The following TMPRSS2 variants were observed in gnomAD, a reference collection of about 807,000 sequenced individuals.
TMPRSS2 encodes the protein transmembrane serine protease 2.
A neutral mutation model predicts 67.4 loss-of-function variants in TMPRSS2; 59 were observed. That is an observed-to-expected ratio of 0.88 (90% CI 0.71 to 1.09). The LOEUF is 1.09. Among genes scored for constraint, TMPRSS2 ranks in the 50% least tolerant of loss-of-function variants. The probability of loss-of-function intolerance (pLI) is 0.00; values close to 1 mark genes in which losing one functional copy is unlikely to be tolerated. For synonymous variants in TMPRSS2, 257 were observed against 257.0 expected (o/e 1.00, Z 0.00); for missense variants, 668 against 642.7 (o/e 1.04, Z -0.43).
In TMPRSS2 at chr21:41,479,212, T is replaced by A; in HGVS notation, c.643A>T (p.Ser215Cys). Reference protein sequence around the residue: ...GSTSFMKLNTSAGNVDIYKKL... With the variant: ...GSTSFMKLNTCAGNVDIYKKL... ...TTATAGATATCGACATTGCCGGCAC[T>A]TGTGTTCAGTTTCATAAAGCTGGTG... Residue 215 changes from serine to cysteine, a missense_variant, in exon 7 of 14, where the codon AGT (serine) becomes TGT (cysteine). Ser to Cys is a moderately radical substitution (Grantham distance 112). Coordinates refer to ENST00000332149, the MANE Select transcript of TMPRSS2 (RefSeq NM_005656.4). The A allele has an allele frequency of 6.2e-7, 1 of 1,614,082 alleles. No individual in the cohort carries two copies.
chr21:41,477,203 G>C (rs1440748153), intron 7 of TMPRSS2, among the ~76,000 whole-genome samples: 3 of 152,116 alleles, frequency 2.0e-5, no homozygotes, highest in African/African-American at 7.2e-5. Context: ...GAGCTGGCCC[G>C]CCCTGATAGC....
chr21:41,468,006 T>G (rs2091098976), intron 12 of TMPRSS2, 120 bp from the exon 13 acceptor site: 2 of 1,076,708 alleles, frequency 1.9e-6, no homozygotes, highest in Non-Finnish European at 2.7e-6. Context: ...AGTGACTGTG[T>G]GGGCTTCGAA....
At chr21:41,471,157 TAC>T (rs2146426468) in intron 10 of TMPRSS2, among the ~76,000 whole-genome samples, 1 of 152,332 alleles carries the variant, frequency 6.6e-6, no homozygotes, top group African/African-American at 2.4e-5. Flanking sequence ...CCAATGTGAA[TAC>T]AGACATGCTG....
At position 41,467,969 on chromosome 21, in the gene TMPRSS2, G is replaced by A. The variant is rs1299542810; in HGVS notation, c.1315-83C>T. 1.4e-5 allele frequency: 21 copies of A among 1,528,400 alleles called. No homozygotes were observed. In the Admixed American group the frequency reaches 2.1e-4, roughly 15 times the overall value. 94.7% of individuals were successfully genotyped at this position (1,528,400 alleles called of 1,614,324 possible). A position where few individuals can be genotyped will look rare whatever the true frequency, so the allele number is the denominator to read the frequency against. On this transcript the variant is annotated intron_variant, in intron 12 of 13. Transcript: ENST00000332149. Reference sequence around the variant, plus strand: ...CACTGACCAGGCCTAGAGGAGTTGGGGGGCGGGGGTCGCAGTGTGAGTTAC... The same window carrying A: ...CACTGACCAGGCCTAGAGGAGTTGGAGGGCGGGGGTCGCAGTGTGAGTTAC...
intron 13 of TMPRSS2, 59 bp downstream of exon 13, chr21:41,467,675 T>C (rs922946131): frequency 5.0e-6 from 8 of 1,591,232 alleles, no homozygotes; most frequent in Non-Finnish European, 6.9e-6. Context: ...GCCTAACAGA[T>C]GTCTGGCTTT....
At chr21:41,466,262 A>G in intron 13 of TMPRSS2, 109 bp from the exon 14 acceptor site, 2 of 1,044,124 alleles carry the variant, frequency 1.9e-6, no homozygotes, top group Non-Finnish European at 2.9e-6. Context: ...CAAATAAGCA[A>G]GCTTAATAGC....
At chr21:41,488,817 T>C (rs558299968) in intron 4 of TMPRSS2, among the ~76,000 whole-genome samples, 34 of 152,168 alleles carry the variant, frequency 2.2e-4, no homozygotes, top group Non-Finnish European at 3.8e-4. Flanking sequence ...TTTGTATTTT[T>C]AGTAGAGATG....
intron 10 of TMPRSS2, among the ~76,000 whole-genome samples, chr21:41,470,971 A>G (rs2091128498): frequency 6.6e-6 from 1 of 152,230 alleles, no homozygotes; most frequent in Non-Finnish European, 1.5e-5. Context: ...CTCTGCTTAT[A>G]AGAGGAATTA....
At chr21:41,489,246 G>T (rs972637421) in intron 4 of TMPRSS2, among the ~76,000 whole-genome samples, 3 of 152,210 alleles carry the variant, frequency 2.0e-5, no homozygotes, top group African/African-American at 7.2e-5. Context: ...AACTGGGTGT[G>T]GCCCCAAGGT....
chr21:41,506,277 G>C (rs1270508245), intron 1 of TMPRSS2, among the ~76,000 whole-genome samples: 1 of 152,198 alleles, frequency 6.6e-6, no homozygotes, highest in Non-Finnish European at 1.5e-5. Flanking sequence ...TGTCCAAGCA[G>C]AGAACAAAAG....
rs1003138025 is a variant in TMPRSS2 at position 41,466,116 on chromosome 21, G to C, written c.*26C>G. The C allele has an allele frequency of 1.2e-6, 2 of 1,613,654 alleles. No individual in the cohort carries two copies. Among genetic ancestry groups the C allele is most frequent in the Non-Finnish European group, 1.7e-6 (2 of 1,179,864 alleles). On this transcript the variant is annotated 3_prime_UTR_variant, in exon 14 of 14. Transcript: ENST00000332149. ...CAGCCCCATTGTTTTCTTGTAAAAC[G>C]ACGTCAAGGACGAAGACCATGTGGA...
chr21:41,476,585 C>G lies in TMPRSS2; in HGVS notation c.719G>C (p.Arg240Pro), dbSNP rs760039204. 6.2e-7 allele frequency: 1 copy of G among 1,613,142 alleles called. No homozygotes were observed. ...ACTCCAGATGAACTTACCTATACAG[C>G]GTAAAGAAACCACTGCTTTTGAAGA... is the stretch of plus-strand genomic sequence containing the variant. ...ACSSKAVVSL[R>P]CIACGVNLNS... is the part of the protein sequence containing the mutation. The change falls in exon 8 of 14, where the codon CGC becomes CCC. Residue 240 changes from arginine (R) to proline (P), a missense_variant. Coordinates refer to ENST00000332149, the MANE Select transcript of TMPRSS2 (RefSeq NM_005656.4).
At chr21:41,467,955 C>T in intron 12 of TMPRSS2, 69 bp from the exon 13 acceptor site, 1 of 1,583,432 alleles carries the variant, frequency 6.3e-7, no homozygotes, top group Non-Finnish European at 8.6e-7. Flanking sequence ...ACTGACCAGG[C>T]CTAGAGGAGT....
chr21:41,485,387 C>A (rs1192358970), intron 5 of TMPRSS2, among the ~76,000 whole-genome samples: 1 of 152,092 alleles, frequency 6.6e-6, no homozygotes, highest in Non-Finnish European at 1.5e-5. Flanking sequence ...GTAGTTCACG[C>A]CTGTAATCCC....
At chr21:41,484,940 C>T (rs1296117319) in intron 5 of TMPRSS2, among the ~76,000 whole-genome samples, 1 of 152,094 alleles carries the variant, frequency 6.6e-6, no homozygotes, top group Non-Finnish European at 1.5e-5. Flanking sequence ...GGCTAGGAAC[C>T]ACTGGGAAAT....
intron 2 of TMPRSS2, among the ~76,000 whole-genome samples, chr21:41,496,829 CTTTTTTTTT>C (rs66730350): frequency 1.5e-5 from 1 of 68,472 alleles, no homozygotes; most frequent in Non-Finnish European, 2.6e-5. Context: ...TCTCTCTCTC[CTTTTTTTTT>C]TTTTTTTTTT....
chr21:41,483,935 C>G (rs1230739206), intron 5 of TMPRSS2, among the ~76,000 whole-genome samples: 1 of 152,012 alleles, frequency 6.6e-6, no homozygotes, highest in African/African-American at 2.4e-5. Flanking sequence ...TCGAGACCAA[C>G]CCCATCTCCA....
intron 1 of TMPRSS2, among the ~76,000 whole-genome samples, chr21:41,504,035 G>A (rs2091440939): frequency 6.6e-6 from 1 of 152,180 alleles, no homozygotes; most frequent in South Asian, 2.1e-4. Context: ...TGTGCACCTC[G>A]TACAAACAAG....
At chr21:41,466,271 G>A (rs55896064) in intron 13 of TMPRSS2, 118 bp from the exon 14 acceptor site, 115,798 of 944,430 alleles carry the variant, frequency 0.12, 8,091 homozygotes, top group Non-Finnish European at 0.13. Context: ...AAGCTTAATA[G>A]CACAAAGGGA....
Sources: allele counts gnomAD v4.1 joint callset (sites outside exome capture counted in the v4.1 genomes callset), GRCh38; gene constraint gnomAD v4.1.1; transcripts MANE v1.5; gene names NCBI Gene and HGNC (gene_info 2026-07-23, HGNC 2026-07-21).